GATA4: variants seen among roughly 807,000 people sequenced by gnomAD.
GATA4 encodes the protein transcription factor GATA-4.
In GATA4, 7 loss-of-function variants were observed where a neutral mutation model predicts 37.9. The observed-to-expected ratio is 0.18, with a 90% CI of 0.11 to 0.35. GATA4 has a LOEUF of 0.35. GATA4 is among the 10% of genes least tolerant of loss of function. The pLI is 1.00. For synonymous variants in GATA4, 372 were observed against 292.6 expected (o/e 1.27, Z -2.77); for missense variants, 647 against 653.0 (o/e 0.99, Z 0.10).
At chr8:11,697,489 C>A in intron 1 of GATA4, 1 of 926,502 alleles carries the variant, frequency 1.1e-6, no homozygotes, top group Non-Finnish European at 1.3e-6. Flanking sequence ...AGGGGAGCAG[C>A]GCTCTCGGTG....
chr8:11,754,927 C>T, intron 4 of GATA4, 119 bp from the exon 5 acceptor site: 1 of 780,224 alleles, frequency 1.3e-6, no homozygotes, highest in Non-Finnish European at 2.2e-6. Context: ...CGTCTGGGCC[C>T]CAGGCTTTGT....
rs776715658 is a variant in GATA4 at position 11,756,998 on chromosome 8, C to A, written c.1064C>A (p.Thr355Asn). 6.2e-7 allele frequency: 1 copy of A among 1,614,272 alleles called. No individual in the cohort carries two copies. The highest frequency in any genetic ancestry group is 1.1e-5 in the South Asian group (1 of 91,092). Reference protein sequence around the residue: ...SGASSNSSNATTSSSEEMRPI... With the variant: ...SGASSNSSNANTSSSEEMRPI... ...GCTTCCAGCAACTCCAGCAACGCCA[C>A]CACCAGCAGCAGCGAGGAGATGCGT... is the stretch of plus-strand genomic sequence containing the variant. The change falls in exon 6 of 7, where the codon ACC becomes AAC. Residue 355 changes from threonine (T) to asparagine (N), a missense_variant. Coordinates refer to ENST00000532059, the MANE Select transcript of GATA4 (RefSeq NM_001308093.3).
intron 2 of GATA4, among the ~76,000 whole-genome samples, chr8:11,744,419 G>C (rs1801929590): frequency 6.6e-6 from 1 of 152,174 alleles, no homozygotes; most frequent in Admixed American, 6.5e-5. Flanking sequence ...GGAGTTCCCG[G>C]GATGCCAGCA....
chr8:11,755,157 T>C (rs1802492763), intron 5 of GATA4, 24 bp downstream of exon 5: 1 of 1,575,004 alleles, frequency 6.3e-7, no homozygotes, highest in South Asian at 1.1e-5. Context: ...CTGTGAGTGA[T>C]TATATGAGTA....
intron 1 of GATA4, among the ~76,000 whole-genome samples, chr8:11,706,678 G>C (rs1056082819): frequency 2.0e-5 from 3 of 152,290 alleles, no homozygotes; most frequent in Non-Finnish European, 2.9e-5. Flanking sequence ...ACTTTGTCGG[G>C]AGTAGTTGCC....
intron 1 of GATA4, among the ~76,000 whole-genome samples, chr8:11,693,509 T>C (rs1453733276): frequency 8.3e-6 from 1 of 120,272 alleles, no homozygotes; most frequent in African/African-American, 3.3e-5. Context: ...AAAAAGAGGA[T>C]TGATTCAGCA....
At chr8:11,732,623 G>C (rs1801264389) in intron 2 of GATA4, among the ~76,000 whole-genome samples, 1 of 152,220 alleles carries the variant, frequency 6.6e-6, no homozygotes, top group African/African-American at 2.4e-5. Flanking sequence ...GAACACGTCA[G>C]GTGAACCCGA....
chr8:11,738,728 T>C (rs1426017986), intron 2 of GATA4, among the ~76,000 whole-genome samples: 1 of 152,252 alleles, frequency 6.6e-6, no homozygotes, highest in African/African-American at 2.4e-5. Context: ...CTTTCCCCAC[T>C]GGCTGCGGGG....
intron 2 of GATA4, among the ~76,000 whole-genome samples, chr8:11,736,775 A>G (rs894605171): frequency 2.0e-4 from 31 of 152,240 alleles, no homozygotes; most frequent in African/African-American, 7.0e-4. Flanking sequence ...AGAGTAAGGT[A>G]TAGCGTTAGC....
intron 4 of GATA4, 43 bp from the exon 5 acceptor site, chr8:11,755,003 C>T (rs138748973): frequency 5.6e-5 from 82 of 1,474,800 alleles, no homozygotes; most frequent in Middle Eastern, 5.2e-4. Context: ...TAGCAGACTA[C>T]GCAGAAATGG....
chr8:11,740,453 C>A (rs534509560), intron 2 of GATA4, among the ~76,000 whole-genome samples: 28 of 152,354 alleles, frequency 1.8e-4, no homozygotes, highest in Admixed American at 1.0e-3. Flanking sequence ...AAGAGGAGAA[C>A]CTTGTCCCAG....
chr8:11,743,610 C>G (rs569808294), intron 2 of GATA4, among the ~76,000 whole-genome samples: 1 of 152,248 alleles, frequency 6.6e-6, no homozygotes, highest in East Asian at 1.9e-4. Context: ...TTCTTCCTCC[C>G]GTGCCTTCCC....
intron 2 of GATA4, among the ~76,000 whole-genome samples, chr8:11,735,049 A>G (rs764577066): frequency 2.0e-5 from 3 of 152,258 alleles, no homozygotes; most frequent in Non-Finnish European, 4.4e-5. Context: ...GGGAAACATA[A>G]TAGGCAAAAA....
chr8:11,699,266 G>C (rs908218413), upstream of GATA4, among the ~76,000 whole-genome samples: 2 of 152,200 alleles, frequency 1.3e-5, no homozygotes, highest in Non-Finnish European at 2.9e-5. Context: ...CATTTTACTA[G>C]TCCAGGGATG....
chr8:11,756,376 T>G, intron 5 of GATA4: 4 of 174,672 alleles, frequency 2.3e-5, no homozygotes, highest in South Asian at 1.2e-4. Flanking sequence ...ACGAGTCCCC[T>G]ATGTCCCCTG....
At chr8:11,694,853 C>T (rs373390982) in intron 1 of GATA4, among the ~76,000 whole-genome samples, 2 of 152,158 alleles carry the variant, frequency 1.3e-5, no homozygotes, top group African/African-American at 4.8e-5. Flanking sequence ...CTCTCTCTCT[C>T]TGTCTCTCTC....
intron 1 of GATA4, chr8:11,681,038 A>G: frequency 6.4e-6 from 6 of 938,486 alleles, no homozygotes; most frequent in Non-Finnish European, 7.6e-6. Flanking sequence ...CAAAGCACAG[A>G]TCTAATGCCT....
At chr8:11,702,677 T>C (rs938484457), upstream of GATA4, among the ~76,000 whole-genome samples, 2 of 151,298 alleles carry the variant, frequency 1.3e-5, no homozygotes, top group African/African-American at 4.9e-5. The surrounding 1 kb of genome is among the most constrained non-coding windows in gnomAD (Gnocchi z 4.4). Context: ...AGGCTAGGAA[T>C]TGGGGGAAGT....
At chr8:11,721,369 C>T (rs1213366913) in intron 2 of GATA4, among the ~76,000 whole-genome samples, 1 of 148,524 alleles carries the variant, frequency 6.7e-6, no homozygotes, top group Non-Finnish European at 1.5e-5. Flanking sequence ...AGAAGCACGG[C>T]GTTGAGGGAT....
Sources: allele counts gnomAD v4.1 joint callset (sites outside exome capture counted in the v4.1 genomes callset), GRCh38; gene constraint gnomAD v4.1.1; non-coding constraint Gnocchi (gnomAD v3.1); transcripts MANE v1.5; gene names NCBI Gene and HGNC (gene_info 2026-07-23, HGNC 2026-07-21).